LYRM4: variants seen among roughly 807,000 people sequenced by gnomAD.
LYRM4 encodes the protein LYR motif-containing protein 4.
Under a neutral mutation model 11.7 loss-of-function variants are expected in LYRM4, and 9 were observed. The ratio of observed to expected loss-of-function variants is 0.77; its 90% CI spans 0.46 to 1.34. The LOEUF is 1.34. Ranked by LOEUF, LYRM4 falls within the 40% of genes most tolerant of loss-of-function variation. The pLI, the probability that LYRM4 is intolerant of heterozygous loss-of-function variation, is 0.00. For missense variants in LYRM4, 133 were observed against 112.5 expected, an observed-to-expected ratio of 1.18 and a Z score of -0.82; for synonymous variants, 42 against 40.4, an observed-to-expected ratio of 1.04 and a Z score of -0.15.
Position 5,133,085 on chromosome 6 carries a change from G to T in LYRM4, c.208-23594C>A, listed in dbSNP as rs550468440. 6.6e-5 allele frequency among the ~76,000 whole-genome samples: 10 copies of T among 152,320 alleles called. No homozygotes were observed. In the South Asian group the frequency reaches 1.9e-3, roughly 28 times the overall value. On this transcript the variant is annotated intron_variant, in intron 2 of 2. Coordinates refer to ENST00000330636, the MANE Select transcript of LYRM4 (RefSeq NM_020408.6). ...TGTCTCTTTTTGTTACTGTTGTTGT[G>T]TTGGGCAGGGTGTGTGTGCTGGGCA...
At chr6:5,039,360 C>T in the LYRM4 span, among the ~76,000 whole-genome samples, 1 of 152,154 alleles carries the variant, frequency 6.6e-6, no homozygotes, top group Non-Finnish European at 1.5e-5. Context: ...GTGACCAAGA[C>T]AAACATATTC....
chr6:5,211,281 G>A (rs932863296), intron 2 of LYRM4, among the ~76,000 whole-genome samples: 2 of 152,056 alleles, frequency 1.3e-5, no homozygotes, highest in Non-Finnish European at 2.9e-5. Context: ...GAGAGGGCCT[G>A]GTCATGATTT....
chr6:5,057,529 C>T, the LYRM4 span, among the ~76,000 whole-genome samples: 1 of 151,826 alleles, frequency 6.6e-6, no homozygotes, highest in African/African-American at 2.4e-5. Flanking sequence ...CCAGCCTGGC[C>T]AAGATGGTGA....
At chr6:5,038,716 T>C in the LYRM4 span, among the ~76,000 whole-genome samples, 1 of 57,290 alleles carries the variant, frequency 1.7e-5, no homozygotes, top group African/African-American at 4.9e-5. Flanking sequence ...AAACCCCGTC[T>C]CCACCAAAAA....
intron 1 of LYRM4, among the ~76,000 whole-genome samples, chr6:5,243,785 G>C (rs1046376527): frequency 6.6e-6 from 1 of 151,940 alleles, no homozygotes; most frequent in Non-Finnish European, 1.5e-5. Flanking sequence ...TTTCAAATTG[G>C]TTCTTCTGGC....
intron 2 of LYRM4, among the ~76,000 whole-genome samples, chr6:5,178,439 C>T (rs1759848039): frequency 7.1e-6 from 1 of 141,676 alleles, no homozygotes; most frequent in Non-Finnish European, 1.5e-5. Flanking sequence ...TTTAGGGATT[C>T]ATAACTCTTT....
chr6:5,222,134 A>T (rs1320334542), intron 1 of LYRM4, among the ~76,000 whole-genome samples: 1 of 152,188 alleles, frequency 6.6e-6, no homozygotes, highest in East Asian at 1.9e-4. Context: ...GTACAATGTA[A>T]GCCCCACATA....
chr6:5,220,511 G>A (rs1409795144), intron 1 of LYRM4, among the ~76,000 whole-genome samples: 1 of 152,076 alleles, frequency 6.6e-6, no homozygotes, highest in Non-Finnish European at 1.5e-5. Context: ...CCTCTGTGGG[G>A]CAAACTCATC....
chr6:5,118,115 GTTTTTT>G (rs368008500), intron 2 of LYRM4, among the ~76,000 whole-genome samples: 4 of 130,534 alleles, frequency 3.1e-5, no homozygotes, highest in East Asian at 4.7e-4. Flanking sequence ...GTTTTGTTTT[GTTTTTT>G]TTTTTGAGAC....
intron 2 of LYRM4, chr6:5,144,367 G>C: frequency 7.6e-7 from 1 of 1,320,664 alleles, no homozygotes. Flanking sequence ...GCCGGGTGCG[G>C]TGGCTGAAGC....
the LYRM4 span, among the ~76,000 whole-genome samples, chr6:5,070,373 A>C: frequency 6.6e-6 from 1 of 152,238 alleles, no homozygotes; most frequent in Non-Finnish European, 1.5e-5. Flanking sequence ...ATGGGTGGGC[A>C]CAAAAGATAA....
chr6:5,217,574 T>C (rs1229308236), intron 1 of LYRM4, among the ~76,000 whole-genome samples: 2 of 152,240 alleles, frequency 1.3e-5, no homozygotes, highest in Non-Finnish European at 2.9e-5. Flanking sequence ...TTATAATGTG[T>C]GTCTGGAATT....
chr6:5,107,402 T>G (rs113149656), downstream of LYRM4: 12 of 152,302 alleles, frequency 7.9e-5, no homozygotes, highest in African/African-American at 2.6e-4. Context: ...TTGCTTAAAT[T>G]AAGTATAAAT....
At chr6:5,248,780 A>G (rs1764307710) in intron 1 of LYRM4, among the ~76,000 whole-genome samples, 1 of 152,210 alleles carries the variant, frequency 6.6e-6, no homozygotes, top group African/African-American at 2.4e-5. Flanking sequence ...CTGTTGTAGA[A>G]ATTTCAGGGA....
chr6:5,183,293 C>A (rs1470372120), intron 2 of LYRM4, among the ~76,000 whole-genome samples: 1 of 152,152 alleles, frequency 6.6e-6, no homozygotes, highest in African/African-American at 2.4e-5. Context: ...TATCCCTGCA[C>A]AACATCCTTC....
At chr6:5,105,456 G>A (rs1336437168), downstream of LYRM4, 1 of 152,366 alleles carries the variant, frequency 6.6e-6, no homozygotes, top group Non-Finnish European at 1.5e-5. Context: ...CCTCCGAAAA[G>A]CTGGTCTCCC....
chr6:5,064,973 T>C, the LYRM4 span, among the ~76,000 whole-genome samples: 3 of 152,180 alleles, frequency 2.0e-5, no homozygotes, highest in Non-Finnish European at 4.4e-5. Flanking sequence ...GTATCCACCA[T>C]TACAGTGTCA....
chr6:5,189,412 G>A (rs1168165422), intron 2 of LYRM4, among the ~76,000 whole-genome samples: 1 of 151,870 alleles, frequency 6.6e-6, no homozygotes, highest in Non-Finnish European at 1.5e-5. Context: ...TAAGGTTAGT[G>A]GTGAGCCTAA....
At chr6:5,205,810 T>C (rs6921061) in intron 2 of LYRM4, among the ~76,000 whole-genome samples, 13,783 of 152,168 alleles carry the variant, frequency 0.091, 768 homozygotes, top group African/African-American at 0.15. Context: ...GGAAACCTCA[T>C]TCGTAAATGA....
Sources: gnomAD v4.1 joint callset for allele counts (sites outside exome capture counted in the v4.1 genomes callset) on GRCh38, gnomAD v4.1.1 for gene constraint, MANE v1.5 for transcripts, NCBI Gene and HGNC (gene_info 2026-07-23, HGNC 2026-07-21) for gene names.